Variants in CCSER1 observed in about 807,000 individuals in gnomAD.
CCSER1 encodes serine-rich coiled-coil domain-containing protein 1.
A neutral mutation model predicts 82.0 loss-of-function variants in CCSER1; 41 were observed. That is an observed-to-expected ratio of 0.50 (90% confidence interval 0.39 to 0.65). The LOEUF (loss-of-function observed/expected upper bound fraction) is 0.65, where lower values mean the gene tolerates loss of function less well. Among genes scored for constraint, CCSER1 ranks in the 30% least tolerant of loss-of-function variants. CCSER1 has a pLI of 0.00. For synonymous variants in CCSER1, 414 were observed against 383.9 expected, an observed-to-expected ratio of 1.08 and a Z score of -0.92; for missense variants, 1,119 against 1,064.2, an observed-to-expected ratio of 1.05 and a Z score of -0.72.
intron 9 of CCSER1, among the ~76,000 whole-genome samples, chr4:91,031,138 G>T (rs1740945795): frequency 6.6e-6 from 1 of 152,158 alleles, no homozygotes; most frequent in Non-Finnish European, 1.5e-5. Flanking sequence ...TGATGTTCAC[G>T]TTTAGGCAGT....
At chr4:91,434,183 C>G (rs1470254293) in intron 10 of CCSER1, among the ~76,000 whole-genome samples, 1 of 147,948 alleles carries the variant, frequency 6.8e-6, no homozygotes, top group Non-Finnish European at 1.5e-5. Flanking sequence ...TTAACTGCTA[C>G]AGACTTTTTG....
intron 8 of CCSER1, among the ~76,000 whole-genome samples, chr4:90,915,503 T>C (rs1727215277): frequency 6.6e-6 from 1 of 152,140 alleles, no homozygotes. Flanking sequence ...TAGGTATTGA[T>C]GGGATGTATC....
rs192244602 is a variant in CCSER1 at position 91,451,236 on chromosome 4, T to C, written c.2218-147336T>C. Among the ~76,000 whole-genome samples the C allele has an allele frequency of 2.8e-3, 421 of 152,088 alleles. 2 individuals carry two copies. The highest frequency in any genetic ancestry group is 9.4e-3 in the African/African-American group (391 of 41,552). ...GCTTCCAAAACATCCCACCTCCTGA[T>C]ACCATTACCTTGGGGGTTATAATTT... On this transcript the variant is annotated intron_variant, in intron 10 of 10. Transcript: ENST00000509176.
intron 4 of CCSER1, among the ~76,000 whole-genome samples, chr4:90,446,565 G>A (rs760072578): frequency 1.8e-3 from 279 of 152,268 alleles, no homozygotes; most frequent in Non-Finnish European, 3.0e-3. Context: ...AGATGTAGGG[G>A]AAAGAGGGAG....
intron 9 of CCSER1, among the ~76,000 whole-genome samples, chr4:91,010,708 A>G (rs1738938810): frequency 7.5e-6 from 1 of 134,208 alleles, no homozygotes; most frequent in African/African-American, 2.5e-5. Context: ...GAAGCTCTAT[A>G]TTGTATTTTT....
rs148838063 is a variant in CCSER1 at position 91,156,964 on chromosome 4, C to T, written c.2217+70970C>T. Among the ~76,000 whole-genome samples, 45 of 152,036 alleles carry T rather than the reference C, an allele frequency of 3.0e-4. No individual in the cohort carries two copies. In the East Asian group the frequency reaches 8.7e-3, roughly 29 times the overall value. On this transcript the variant is annotated intron_variant, in intron 10 of 10. Coordinates refer to ENST00000509176, the MANE Select transcript of CCSER1 (RefSeq NM_001145065.2). Reference sequence around the variant, plus strand: ...AATCCTTCCATCTCTATATTTTCTTCCATGTACGACGTTACTGATGGTCAA... The same window carrying T: ...AATCCTTCCATCTCTATATTTTCTTTCATGTACGACGTTACTGATGGTCAA...
intron 5 of CCSER1, among the ~76,000 whole-genome samples, chr4:90,579,133 A>G (rs2008600): frequency 0.35 from 52,689 of 151,986 alleles, 9,744 homozygotes; most frequent in East Asian, 0.51. Context: ...TTTTAATATC[A>G]GGTCACACAG....
At chr4:90,629,409 T>C (rs1723932841) in intron 6 of CCSER1, among the ~76,000 whole-genome samples, 1 of 152,174 alleles carries the variant, frequency 6.6e-6, no homozygotes, top group South Asian at 2.1e-4. Context: ...CAGAAGGCGA[T>C]GAAGGAGCAA....
At chr4:91,207,835 C>A (rs1217171745) in intron 10 of CCSER1, among the ~76,000 whole-genome samples, 1 of 151,830 alleles carries the variant, frequency 6.6e-6, no homozygotes, top group African/African-American at 2.4e-5. Flanking sequence ...GAACTAATTT[C>A]CACTCCCACC....
chr4:91,559,595 A>G (rs990940848), intron 10 of CCSER1, among the ~76,000 whole-genome samples: 1 of 151,474 alleles, frequency 6.6e-6, no homozygotes, highest in Non-Finnish European at 1.5e-5. Flanking sequence ...ATATTTATGA[A>G]TTTATATTTT....
intron 10 of CCSER1, among the ~76,000 whole-genome samples, chr4:91,412,832 C>A (rs1366094046): frequency 6.6e-6 from 1 of 151,944 alleles, no homozygotes; most frequent in African/African-American, 2.4e-5. Context: ...AAACATGATA[C>A]CACCAAATGA....
chr4:91,079,884 G>A (rs942532553), intron 9 of CCSER1, among the ~76,000 whole-genome samples: 1 of 152,074 alleles, frequency 6.6e-6, no homozygotes, highest in South Asian at 2.1e-4. Context: ...AAATTTATAG[G>A]CACCCAATAC....
intron 10 of CCSER1, among the ~76,000 whole-genome samples, chr4:91,125,038 A>C (rs970549351): frequency 1.3e-5 from 2 of 151,802 alleles, no homozygotes; most frequent in African/African-American, 4.8e-5. Context: ...TAAGGATTGA[A>C]AATATACATA....
At chr4:90,391,272 C>CAAAAAAAA (rs1215360899) in intron 3 of CCSER1, among the ~76,000 whole-genome samples, 11 of 34,906 alleles carry the variant, frequency 3.2e-4, no homozygotes, top group East Asian at 8.8e-4. Flanking sequence ...GACTCTGTCT[C>CAAAAAAAA]AAAAAAAAAA....
intron 9 of CCSER1, among the ~76,000 whole-genome samples, chr4:91,053,864 A>G (rs1372068183): frequency 6.6e-6 from 1 of 152,150 alleles, no homozygotes; most frequent in Non-Finnish European, 1.5e-5. Context: ...TCATACTGTA[A>G]TGTCTTGCTC....
At chr4:90,803,445 A>G (rs1561164374) in intron 7 of CCSER1, among the ~76,000 whole-genome samples, 2 of 152,016 alleles carry the variant, frequency 1.3e-5, no homozygotes, top group Non-Finnish European at 2.9e-5. Context: ...CCCACTGATT[A>G]GTGAGAACAT....
In CCSER1 at chr4:91,401,510, T is replaced by A. The variant is rs547653787; in HGVS notation, c.2218-197062T>A. ...GTGTGCTGCACCCATTAACTCGTCA[T>A]TTAAATTAGGTATATCTCCTAATTC... On this transcript the variant is annotated intron_variant, in intron 10 of 10. Coordinates refer to ENST00000509176, the MANE Select transcript of CCSER1 (RefSeq NM_001145065.2). Among the ~76,000 whole-genome samples the A allele has an allele frequency of 3.3e-5, 5 of 152,084 alleles. No individual in the cohort carries two copies. In the East Asian group the frequency reaches 9.7e-4, roughly 29 times the overall value.
Position 91,153,273 on chromosome 4 carries a change from C to T in CCSER1, c.2217+67279C>T, listed in dbSNP as rs141171213. On this transcript the variant is annotated intron_variant, in intron 10 of 10. Coordinates refer to ENST00000509176, the MANE Select transcript of CCSER1 (RefSeq NM_001145065.2). ...ATTTCATTCATTTGATCTTCAATTA[C>T]TGATACCCTTTCTTCCACTTGATCG... 5.3e-3 allele frequency among the ~76,000 whole-genome samples: 799 copies of T among 152,044 alleles called. 10 individuals are homozygous for T. The highest frequency in any genetic ancestry group is 0.018 in the African/African-American group (756 of 41,540).
At chr4:90,883,242 A>G (rs1046447776) in intron 8 of CCSER1, among the ~76,000 whole-genome samples, 1 of 152,114 alleles carries the variant, frequency 6.6e-6, no homozygotes, top group Non-Finnish European at 1.5e-5. Context: ...GATAACAACT[A>G]CAGGTTGTTT....
Sources: gnomAD v4.1 joint callset for allele counts (sites outside exome capture counted in the v4.1 genomes callset) on GRCh38, gnomAD v4.1.1 for gene constraint, MANE v1.5 for transcripts, NCBI Gene and HGNC (gene_info 2026-07-23, HGNC 2026-07-21) for gene names.